The following HSF4 variants were observed in gnomAD, a reference collection of about 807,000 sequenced individuals.
HSF4 encodes heat shock transcription factor 4.
In HSF4, 41 loss-of-function variants were observed where a neutral mutation model predicts 52.0. The ratio of observed to expected loss-of-function variants is 0.79; its 90% CI spans 0.61 to 1.02. HSF4 has a LOEUF of 1.02. Ranked by LOEUF, HSF4 falls within the 50% of genes least tolerant of loss-of-function variation. HSF4 has a pLI of 0.00. For synonymous variants in HSF4, 285 were observed against 273.0 expected (o/e 1.04, Z -0.43); for missense variants, 610 against 651.1 (o/e 0.94, Z 0.69).
In HSF4 at chr16:67,165,718, G is replaced by A; in HGVS notation, c.233-1G>A. Reference sequence around the variant, plus strand: ...CCACGCCCCCACGCCCCACTCCCCAGACGGTTTTCGGAAGGTGGTGAGCAT... The same window carrying A: ...CCACGCCCCCACGCCCCACTCCCCAAACGGTTTTCGGAAGGTGGTGAGCAT... On this transcript the variant is annotated splice_acceptor_variant, in intron 2 of 12. Coordinates refer to ENST00000521374, the MANE Select transcript of HSF4 (RefSeq NM_001374675.1). LOFTEE classifies it high-confidence loss of function. This position sits in a 1 kb window ranked among gnomAD's most constrained non-coding sequence, Gnocchi z 6.9. 1.2e-6 allele frequency: 2 copies of A among 1,612,074 alleles called. No individual in the cohort carries two copies. Among genetic ancestry groups the A allele is most frequent in the Non-Finnish European group, 1.7e-6 (2 of 1,179,822 alleles).
rs1394418649 is a variant in HSF4 at position 67,167,584 on chromosome 16, C to G, written c.839C>G (p.Ser280Cys). Residue 280 changes from serine (S) to cysteine (C), a missense_variant, in exon 8 of 13, where the codon TCC becomes TGC. Physicochemically the swap from Ser to Cys is moderately radical, Grantham distance 112 (BLOSUM62 -1). Coordinates refer to ENST00000521374, the MANE Select transcript of HSF4 (RefSeq NM_001374675.1). ...CCTGAGGGGACCAGGCTTTCTCCCT[C>G]CAGTGATGGCAGGAGGTAAGGGGGA... ...PSPEGTRLSPSSDGRREKGLA... is the reference protein window; with the variant it reads ...PSPEGTRLSPCSDGRREKGLA... 6.2e-7 allele frequency: 1 copy of G among 1,613,370 alleles called. No homozygotes were observed. The highest frequency in any genetic ancestry group is 8.5e-7 in the Non-Finnish European group (1 of 1,179,932).
chr16:67,166,404 C>G lies in HSF4; in HGVS notation c.561+9C>G. The G allele has an allele frequency of 6.2e-7, 1 of 1,605,606 alleles. No homozygotes were observed. Among genetic ancestry groups the G allele is most frequent in the Non-Finnish European group, 8.5e-7 (1 of 1,175,766 alleles). On this transcript the variant is annotated intron_variant, in intron 5 of 12. Transcript: ENST00000521374. ...ACCGGGTCATTGGCAAGGTGTTCCT[C>G]TCCCCAAGCCTCGCTTCTCCCTCCC...
chr16:67,169,892 C>T lies in HSF4; in HGVS notation c.*107C>T. ...GAGCGAAGCCCCCACTACTAAATGG[C>T]CTCTCTCCACTACCCCGACTATCCC... is the stretch of plus-strand genomic sequence containing the variant. On this transcript the variant is annotated 3_prime_UTR_variant, in exon 13 of 13. Coordinates refer to ENST00000521374, the MANE Select transcript of HSF4 (RefSeq NM_001374675.1). This position sits in a 1 kb window ranked among gnomAD's most constrained non-coding sequence, Gnocchi z 4.3. The T allele has an allele frequency of 2.6e-6, 3 of 1,135,384 alleles. No homozygotes were observed. Among genetic ancestry groups the T allele is most frequent in the Non-Finnish European group, 2.7e-6 (2 of 753,570 alleles). 70.3% of individuals were successfully genotyped at this position (1,135,384 alleles called of 1,614,324 possible). A position where few individuals can be genotyped will look rare whatever the true frequency, so the allele number is the denominator to read the frequency against.
chr16:67,164,118 G>A (rs1243679361), upstream of HSF4: 1 of 669,038 alleles, frequency 1.5e-6, no homozygotes, highest in Admixed American at 2.1e-5. Flanking sequence ...GGAGAGGGAG[G>A]GCACGGGCGC....
rs372224972 is a variant in HSF4, at chr16:67,169,793, C to T, written c.*8C>T. On this transcript the variant is annotated 3_prime_UTR_variant, in exon 13 of 13. Transcript: ENST00000521374. The surrounding 1 kb of genome is among the most constrained non-coding windows in gnomAD (Gnocchi z 4.3). ...GCCAGTCCCTCCCCCTAAGACCCCG[C>T]GCCTCTGAAGGGGCTTGGAACCAGT... The T allele has an allele frequency of 3.9e-4, 621 of 1,612,970 alleles. 1 individual carries two copies. Among genetic ancestry groups the T allele is most frequent in the Non-Finnish European group, 4.9e-4 (578 of 1,179,986 alleles).
Position 67,166,051 on chromosome 16 carries a change from C to G in HSF4, c.466C>G (p.Arg156Gly). The G allele has an allele frequency of 1.6e-6, 2 of 1,268,480 alleles. No homozygotes were observed. Among genetic ancestry groups the G allele is most frequent in the Non-Finnish European group, 2.0e-6 (2 of 980,322 alleles). 78.6% of individuals were successfully genotyped at this position (1,268,480 alleles called of 1,614,324 possible). A position where few individuals can be genotyped will look rare whatever the true frequency, so the allele number is the denominator to read the frequency against. The change falls in exon 4 of 13, where the codon CGG (arginine) becomes GGG (glycine). Residue 156 changes from arginine to glycine, a missense_variant. Transcript: ENST00000521374. ...LRGVQESTEA[R>G]LRELRQQNEI... ...GGGAGTGCAGGAGAGCACCGAGGCG[C>G]GGCTGCGGGAGCTCAGGCAGTGCGG...
chr16:67,163,805 T>TC, upstream of HSF4: 1 of 1,555,996 alleles, frequency 6.4e-7, no homozygotes, highest in Non-Finnish European at 8.6e-7. Flanking sequence ...CCTGGAGGCC[T>TC]ACGCTCGTGG....
chr16:67,169,816 A>G lies in HSF4; in HGVS notation c.*31A>G, dbSNP rs755105693. 24 of 1,612,564 alleles carry G rather than the reference A, an allele frequency of 1.5e-5. No homozygotes were observed. The East Asian group carries it at 3.6e-4, about 24-fold the overall frequency. ...CGCGCCTCTGAAGGGGCTTGGAACC[A>G]GTCCGCCGCTGCACATCCTTCTTGG... On this transcript the variant is annotated 3_prime_UTR_variant, in exon 13 of 13. Transcript: ENST00000521374. The surrounding 1 kb of genome is among the most constrained non-coding windows in gnomAD (Gnocchi z 4.3).
chr16:67,164,340 C>G (rs2031079853), upstream of HSF4: 1 of 394,996 alleles, frequency 2.5e-6, no homozygotes, highest in South Asian at 1.9e-5. Context: ...GGAATGACTA[C>G]GTCCCGGGGT....
In HSF4 at chr16:67,166,304, C is replaced by G. The variant is rs758556801; in HGVS notation, c.486-16C>G. Reference sequence around the variant, plus strand: ...GAACTCTCAGATGCCTCAGCACCCTCCCACCCCTTCCTCAGGCAGAACGAG... The same window carrying G: ...GAACTCTCAGATGCCTCAGCACCCTGCCACCCCTTCCTCAGGCAGAACGAG... On this transcript the variant is annotated splice_polypyrimidine_tract_variant and intron_variant, in intron 4 of 12. Transcript: ENST00000521374. 3 of 1,608,618 alleles carry G rather than the reference C, an allele frequency of 1.9e-6. No individual in the cohort carries two copies. In the African/African-American group the frequency reaches 4.0e-5, roughly 22 times the overall value.
At chr16:67,168,682 G>C in intron 9 of HSF4, 149 bp from the exon 10 acceptor site, 1 of 670,578 alleles carries the variant, frequency 1.5e-6, no homozygotes, top group Non-Finnish European at 2.6e-6. Flanking sequence ...TTTATGGCAG[G>C]AGTGGGGAGG....
chr16:67,167,575 T>C lies in HSF4; in HGVS notation c.830T>C (p.Leu277Pro). 1 of 1,613,530 alleles carries C rather than the reference T, an allele frequency of 6.2e-7. No individual in the cohort carries two copies. The highest frequency in any genetic ancestry group is 8.5e-7 in the Non-Finnish European group (1 of 1,179,936). Residue 277 changes from leucine to proline, a missense_variant, in exon 8 of 13, where the codon CTT (leucine) becomes CCT (proline). Transcript: ENST00000521374. Reference protein sequence around the residue: ...EDSPSPEGTRLSPSSDGRREK... With the variant: ...EDSPSPEGTRPSPSSDGRREK... ...TCTCCATCCCCTGAGGGGACCAGGC[T>C]TTCTCCCTCCAGTGATGGCAGGAGG...
chr16:67,164,364 G>A (rs967398487), upstream of HSF4: 74 of 396,086 alleles, frequency 1.9e-4, 1 homozygote, highest in South Asian at 1.4e-3. Context: ...GCGGGAGGGG[G>A]CGTGCTTCCC....
At position 67,169,783 on chromosome 16, in the gene HSF4, T is replaced by C; in HGVS notation, c.1477T>C (p.Ter493GlnextTer34). 1 of 1,613,072 alleles carries C rather than the reference T, an allele frequency of 6.2e-7. No homozygotes were observed. Among genetic ancestry groups the C allele is most frequent in the Non-Finnish European group, 8.5e-7 (1 of 1,179,992 alleles). The change falls in exon 13 of 13, where the codon TAA (stop) becomes CAA (glutamine). Residue 493 changes from the stop codon to glutamine (Q), a stop_lost. Coordinates refer to ENST00000521374, the MANE Select transcript of HSF4 (RefSeq NM_001374675.1). The surrounding 1 kb of genome is among the most constrained non-coding windows in gnomAD (Gnocchi z 4.3). ...GGGCCCGGAAGCCAGTCCCTCCCCC[T>C]AAGACCCCGCGCCTCTGAAGGGGCT... is the stretch of plus-strand genomic sequence containing the variant. ...YLGPEASPSP[*>Q]
Position 67,165,555 on chromosome 16 carries a change from C to T in HSF4, c.157C>T (p.Arg53Cys), listed in dbSNP as rs184475114. ...GTSFLVSDQS[R>C]FAKEVLPQYF... is the part of the protein sequence containing the mutation. ...CAGTTTCCTCGTAAGCGACCAGAGCCGTTTCGCCAAGGAAGTGCTGCCCCA... is the reference window on the plus strand; with the variant it reads ...CAGTTTCCTCGTAAGCGACCAGAGCTGTTTCGCCAAGGAAGTGCTGCCCCA... Residue 53 changes from arginine (R) to cysteine (C), a missense_variant, in exon 2 of 13, where the codon CGT becomes TGT. Physicochemically the swap from Arg to Cys is radical, Grantham distance 180. Coordinates refer to ENST00000521374, the MANE Select transcript of HSF4 (RefSeq NM_001374675.1). The surrounding 1 kb of genome is among the most constrained non-coding windows in gnomAD (Gnocchi z 6.9). The T allele has an allele frequency of 3.1e-6, 5 of 1,613,280 alleles. No homozygotes were observed. In the Admixed American group the frequency reaches 5.0e-5, roughly 16 times the overall value.
chr16:67,163,863 T>A (rs1199027027), upstream of HSF4: 4 of 1,429,542 alleles, frequency 2.8e-6, no homozygotes, highest in Non-Finnish European at 3.6e-6. Context: ...GTAAGCGCTC[T>A]GAGAGGGAAC....
chr16:67,166,151 G>T, intron 4 of HSF4, 81 bp downstream of exon 4: 1 of 1,452,498 alleles, frequency 6.9e-7, no homozygotes, highest in East Asian at 2.5e-5. Flanking sequence ...GCAGTTCTGG[G>T]CAGCCCCTTC....
At position 67,167,760 on chromosome 16, in the gene HSF4, C is replaced by T. The variant is rs1597242434; in HGVS notation, c.895C>T (p.Pro299Ser). 6.2e-7 allele frequency: 1 copy of T among 1,606,190 alleles called. No homozygotes were observed. The highest frequency in any genetic ancestry group is 2.2e-5 in the East Asian group (1 of 44,626). ...LALLKEEPAS[P>S]GGDGEAGLAL... ...ACTGCTCAAAGAAGAGCCGGCCAGT[C>T]CAGGGGGGGATGGCGAGGCCGGGCT... Residue 299 changes from proline to serine, a missense_variant, in exon 9 of 13, where the codon CCA becomes TCA. Coordinates refer to ENST00000521374, the MANE Select transcript of HSF4 (RefSeq NM_001374675.1).
upstream of HSF4, chr16:67,164,044 A>T (rs1216748837): frequency 1.4e-6 from 1 of 720,508 alleles, no homozygotes; most frequent in South Asian, 1.5e-5. Flanking sequence ...GGTCCTGGAC[A>T]CACTGCCCCC....
Sources: allele counts gnomAD v4.1 joint callset, GRCh38; gene constraint gnomAD v4.1.1; non-coding constraint Gnocchi (gnomAD v3.1); transcripts MANE v1.5; gene names NCBI Gene and HGNC (gene_info 2026-07-23, HGNC 2026-07-21).